The following ZNF581 variants were observed in gnomAD, a reference collection of about 807,000 sequenced individuals.
The protein encoded by ZNF581 is zinc finger protein 581.
A neutral mutation model predicts 1.2 loss-of-function variants in ZNF581; 1 was observed. That is an observed-to-expected ratio of 0.83 (90% CI 0.30 to 3.95). The LOEUF is 3.95. Among genes scored for constraint, ZNF581 ranks in the 30% most tolerant of loss-of-function variants. The pLI is 0.18. For synonymous variants in ZNF581, 105 were observed against 109.2 expected (o/e 0.96, Z 0.24); for missense variants, 273 against 274.6 (o/e 0.99, Z 0.04).
At position 55,644,094 on chromosome 19, in the gene ZNF581, G is replaced by T. The variant is rs1048217308; in HGVS notation, c.-20+320G>T. Among the ~76,000 whole-genome samples the T allele has an allele frequency of 1.3e-5, 2 of 152,182 alleles. No homozygotes were observed. Among genetic ancestry groups the T allele is most frequent in the Admixed American group, 1.3e-4 (2 of 15,282 alleles). Reference sequence around the variant, plus strand: ...CTGGAGAGAGGGCCGGAACCTGGGGGTCCTAACGTCGGAGCCCCTGTGAAT... The same window carrying T: ...CTGGAGAGAGGGCCGGAACCTGGGGTTCCTAACGTCGGAGCCCCTGTGAAT... On this transcript the variant is annotated intron_variant, in intron 1 of 1. Coordinates refer to ENST00000270451, the MANE Select transcript of ZNF581 (RefSeq NM_016535.4). The surrounding 1 kb of genome is among the most constrained non-coding windows in gnomAD (Gnocchi z 4.3).
At chr19:55,639,480 A>G (rs935949631), upstream of ZNF581, among the ~76,000 whole-genome samples, 13 of 152,212 alleles carry the variant, frequency 8.5e-5, no homozygotes, top group Non-Finnish European at 1.8e-4. Flanking sequence ...TAAAATGTTT[A>G]AAAAGTACCT....
At chr19:55,643,178 C>A, upstream of ZNF581, 1 of 1,212,086 alleles carries the variant, frequency 8.3e-7, no homozygotes, top group Non-Finnish European at 1.1e-6. Context: ...AAGGGAGGAG[C>A]ATCATTCCTT....
upstream of ZNF581, chr19:55,640,087 C>T (rs2123623086): frequency 2.0e-6 from 2 of 979,240 alleles, no homozygotes; most frequent in Non-Finnish European, 2.4e-6. Flanking sequence ...TCTTGGGGCT[C>T]GCTGTGACAG....
upstream of ZNF581, chr19:55,642,670 C>T (rs751747458): frequency 6.3e-6 from 9 of 1,434,644 alleles, no homozygotes; most frequent in South Asian, 1.2e-4. Flanking sequence ...GCCGCCACCT[C>T]CTCATCGACG....
At chr19:55,637,569 G>A (rs1982166349), upstream of ZNF581, among the ~76,000 whole-genome samples, 1 of 152,052 alleles carries the variant, frequency 6.6e-6, no homozygotes. Flanking sequence ...AAACGAGAGG[G>A]GAGGGAGAGA....
At chr19:55,638,520 C>G (rs148718900), upstream of ZNF581, among the ~76,000 whole-genome samples, 2,252 of 152,236 alleles carry the variant, frequency 0.015, 58 homozygotes, top group African/African-American at 0.052. Flanking sequence ...CAGGCGTGAG[C>G]CACCACGCTC....
chr19:55,637,451 C>T (rs1029936220), upstream of ZNF581, among the ~76,000 whole-genome samples: 15 of 151,992 alleles, frequency 9.9e-5, no homozygotes, highest in African/African-American at 3.4e-4. Flanking sequence ...GCGGGAGAAT[C>T]GCTTGAACCT....
upstream of ZNF581, among the ~76,000 whole-genome samples, chr19:55,637,975 T>C (rs1184331385): frequency 6.6e-6 from 1 of 152,212 alleles, no homozygotes; most frequent in Non-Finnish European, 1.5e-5. Context: ...ACAGTGCCAC[T>C]AGTTATATGG....
Position 55,645,007 on chromosome 19 carries a change from G to A in ZNF581, c.436G>A (p.Gly146Ser), listed in dbSNP as rs1045902125. 5.0e-6 allele frequency: 8 copies of A among 1,599,536 alleles called. No individual in the cohort carries two copies. In the African/African-American group the frequency reaches 6.7e-5, roughly 13 times the overall value. Residue 146 changes from glycine (G) to serine (S), a missense_variant, in exon 2 of 2, where the codon GGC (glycine) becomes AGC (serine). Gly to Ser is a moderately conservative substitution (Grantham distance 56, BLOSUM62 0). Coordinates refer to ENST00000270451, the MANE Select transcript of ZNF581 (RefSeq NM_016535.4). Reference protein sequence around the residue: ...IHLAGGGRPHGCPLCPRRFRD... With the variant: ...IHLAGGGRPHSCPLCPRRFRD... ...CCTGGCGGGTGGTGGGCGGCCCCAC[G>A]GCTGCCCGCTCTGCCCTCGCCGCTT... is the stretch of plus-strand genomic sequence containing the variant.
chr19:55,645,291 C>A lies in ZNF581; in HGVS notation c.*126C>A. ...GGACACAGACACAGAGCAGCCGCAT[C>A]TCAAAGGCAGAGCCCTGCCTGAAGG... On this transcript the variant is annotated 3_prime_UTR_variant, in exon 2 of 2. Coordinates refer to ENST00000270451, the MANE Select transcript of ZNF581 (RefSeq NM_016535.4). 2 of 797,558 alleles carry A rather than the reference C, an allele frequency of 2.5e-6. No homozygotes were observed. Among genetic ancestry groups the A allele is most frequent in the Non-Finnish European group, 3.7e-6 (2 of 535,834 alleles). 49.4% of individuals were successfully genotyped at this position (797,558 alleles called of 1,614,324 possible). A position where few individuals can be genotyped will look rare whatever the true frequency, so the allele number is the denominator to read the frequency against.
At chr19:55,640,206 C>T (rs995707855), upstream of ZNF581, 11 of 985,464 alleles carry the variant, frequency 1.1e-5, no homozygotes, top group Non-Finnish European at 1.3e-5. Context: ...GCAGCTGCCC[C>T]GAGTGCTGCC....
At chr19:55,637,315 C>G (rs938593288), upstream of ZNF581, among the ~76,000 whole-genome samples, 1 of 152,070 alleles carries the variant, frequency 6.6e-6, no homozygotes, top group African/African-American at 2.4e-5. Flanking sequence ...GCAGGCGGAT[C>G]GCTTGAGGCC....
chr19:55,640,416 G>A (rs1375019333), upstream of ZNF581: 5 of 985,362 alleles, frequency 5.1e-6, no homozygotes, highest in Non-Finnish European at 6.0e-6. Flanking sequence ...CCTGGCCTTC[G>A]CTGCGCTTCG....
upstream of ZNF581, among the ~76,000 whole-genome samples, chr19:55,639,029 A>G (rs1038081152): frequency 5.9e-5 from 9 of 151,698 alleles, no homozygotes; most frequent in East Asian, 1.2e-3. Flanking sequence ...AAAAAAGAAA[A>G]AAAAAAGATT....
chr19:55,640,645 C>G, upstream of ZNF581: 2 of 985,480 alleles, frequency 2.0e-6, no homozygotes, highest in Non-Finnish European at 2.4e-6. Context: ...GTCTCTGGAC[C>G]TCGGTCTCCA....
upstream of ZNF581, among the ~76,000 whole-genome samples, chr19:55,636,415 G>A (rs1417629883): frequency 6.6e-6 from 1 of 152,120 alleles, no homozygotes; most frequent in African/African-American, 2.4e-5. Context: ...TGTCTAGATG[G>A]TGTGGCTTCC....
chr19:55,642,020 T>TA (rs1982524079), upstream of ZNF581: 1 of 720,014 alleles, frequency 1.4e-6, no homozygotes, highest in East Asian at 3.0e-4. Context: ...CGGGGGCCGG[T>TA]GGGGGGGTAG....
chr19:55,640,208 AGTGCTGCCGCGT>A (rs1982365516), upstream of ZNF581: 2 of 985,414 alleles, frequency 2.0e-6, no homozygotes, highest in Non-Finnish European at 2.4e-6. Flanking sequence ...AGCTGCCCCG[AGTGCTGCCGCGT>A]GTGCAGCTCT....
upstream of ZNF581, chr19:55,643,350 C>A (rs1158032203): frequency 5.9e-6 from 2 of 339,126 alleles, no homozygotes; most frequent in African/African-American, 2.1e-5. Flanking sequence ...GAGCGGTGAA[C>A]CGGTGGTTGT....
Sources: gnomAD v4.1 joint callset for allele counts (sites outside exome capture counted in the v4.1 genomes callset) on GRCh38, gnomAD v4.1.1 for gene constraint, Gnocchi (gnomAD v3.1) non-coding constraint, MANE v1.5 for transcripts, NCBI Gene and HGNC (gene_info 2026-07-23, HGNC 2026-07-21) for gene names.